SESN1: variants seen among roughly 807,000 people sequenced by gnomAD.
SESN1 encodes the protein sestrin 1.
In SESN1, 30 loss-of-function variants were observed where a neutral mutation model predicts 59.3. The ratio of observed to expected loss-of-function variants is 0.51; its 90% confidence interval spans 0.38 to 0.69. The LOEUF (loss-of-function observed/expected upper bound fraction) is 0.69, where lower values mean the gene tolerates loss of function less well. Ranked by LOEUF, SESN1 falls within the 30% of genes least tolerant of loss-of-function variation. The pLI is 0.00. For synonymous variants in SESN1, 197 were observed against 219.9 expected (o/e 0.90, Z 0.92); for missense variants, 566 against 673.0 (o/e 0.84, Z 1.76).
At chr6:109,018,021 A>T (rs1472130115) in intron 1 of SESN1, among the ~76,000 whole-genome samples, 2 of 152,182 alleles carry the variant, frequency 1.3e-5, no homozygotes, top group East Asian at 3.9e-4. Context: ...AACAATAATA[A>T]GAAGAAGAAA....
chr6:108,994,332 G>C (rs1427935824), intron 6 of SESN1, 130 bp downstream of exon 6: 4 of 620,436 alleles, frequency 6.4e-6, no homozygotes, highest in Non-Finnish European at 1.0e-5. Context: ...TTGTAAATAG[G>C]AATACCTATG....
chr6:108,998,787 T>G, intron 4 of SESN1, 32 bp from the exon 5 acceptor site: 1 of 1,580,664 alleles, frequency 6.3e-7, no homozygotes, highest in Non-Finnish European at 8.6e-7. Flanking sequence ...AATATATTTT[T>G]GTACTGGGGT....
At chr6:109,085,771 T>C (rs1229404425) in intron 1 of SESN1, among the ~76,000 whole-genome samples, 1 of 152,188 alleles carries the variant, frequency 6.6e-6, no homozygotes, top group Non-Finnish European at 1.5e-5. Context: ...AATAAACTGA[T>C]TTGAGAAATT....
At position 108,986,929 on chromosome 6, in the gene SESN1, A is replaced by AAATT. The variant is rs1251229501; in HGVS notation, c.*611_*614dup. The AAATT allele has an allele frequency of 1.3e-5, 2 of 152,616 alleles. No homozygotes were observed. Among genetic ancestry groups the AAATT allele is most frequent in the African/African-American group, 2.4e-5 (1 of 41,472 alleles). The allele number at this position is 152,616 out of a possible 1,614,324, so 9.5% of individuals were successfully genotyped here. On this transcript the variant is annotated 3_prime_UTR_variant, in exon 10 of 10. Transcript: ENST00000436639. ...CCTGAATTTAAAAAACTAATGAAAG[A>AAATT]AATTAACTGTTACCATCAAAATGGT...
chr6:109,071,516 C>G (rs2114466235), intron 1 of SESN1, among the ~76,000 whole-genome samples: 1 of 152,062 alleles, frequency 6.6e-6, no homozygotes, highest in Middle Eastern at 3.4e-3. Flanking sequence ...GATATGGACC[C>G]CGGCAGTCTA....
chr6:109,088,799 G>A (rs574127572), intron 1 of SESN1, among the ~76,000 whole-genome samples: 15 of 152,220 alleles, frequency 9.9e-5, no homozygotes, highest in Non-Finnish European at 2.9e-5. Context: ...CCATTCCTTT[G>A]TTTAGAGAAT....
chr6:108,998,385 A>G, intron 5 of SESN1, 128 bp downstream of exon 5: 1 of 1,035,394 alleles, frequency 9.7e-7, no homozygotes, highest in Non-Finnish European at 1.4e-6. Context: ...CTGAATGAAT[A>G]GATATAGGGG....
At chr6:109,010,634 ACT>A (rs1304022308) in intron 1 of SESN1, among the ~76,000 whole-genome samples, 2 of 152,200 alleles carry the variant, frequency 1.3e-5, no homozygotes, top group African/African-American at 4.8e-5. Context: ...CAAAATGGTT[ACT>A]TTTTATTTAT....
intron 1 of SESN1, among the ~76,000 whole-genome samples, chr6:109,067,481 G>T (rs1267247494): frequency 6.6e-6 from 1 of 152,002 alleles, no homozygotes; most frequent in Admixed American, 6.5e-5. Flanking sequence ...CAAATTCAAA[G>T]AAAACAAAAA....
chr6:109,044,673 CTAATA>C (rs1210334889), intron 1 of SESN1, among the ~76,000 whole-genome samples: 7 of 152,056 alleles, frequency 4.6e-5, no homozygotes, highest in Non-Finnish European at 8.8e-5. Context: ...CTCTATCTAC[CTAATA>C]TATTTAATCT....
At chr6:109,053,482 G>A (rs1224187619) in intron 1 of SESN1, among the ~76,000 whole-genome samples, 1 of 152,138 alleles carries the variant, frequency 6.6e-6, no homozygotes, top group Non-Finnish European at 1.5e-5. Flanking sequence ...TGCAGACTGA[G>A]AAACATGAGA....
chr6:109,076,062 T>C (rs748951025), intron 1 of SESN1, among the ~76,000 whole-genome samples: 1 of 152,194 alleles, frequency 6.6e-6, no homozygotes, highest in Middle Eastern at 3.2e-3. Flanking sequence ...CTGAAATAAA[T>C]AATATGATGT....
intron 1 of SESN1, among the ~76,000 whole-genome samples, chr6:109,035,827 C>T (rs1054994767): frequency 1.3e-5 from 2 of 152,098 alleles, no homozygotes; most frequent in Non-Finnish European, 2.9e-5. Context: ...AGGCTGGTCT[C>T]AAACTCCTGG....
chr6:109,089,076 C>A (rs1781265669), intron 1 of SESN1, among the ~76,000 whole-genome samples: 1 of 148,408 alleles, frequency 6.7e-6, no homozygotes. Context: ...TTTTTTTTAA[C>A]AGATTTAGCT....
At chr6:109,079,438 G>A (rs903781167) in intron 1 of SESN1, among the ~76,000 whole-genome samples, 10 of 152,000 alleles carry the variant, frequency 6.6e-5, no homozygotes, top group African/African-American at 2.4e-4. Flanking sequence ...GATTTTTAGC[G>A]CACATATCAA....
chr6:109,057,144 T>C (rs1780645278), intron 1 of SESN1, among the ~76,000 whole-genome samples: 1 of 152,230 alleles, frequency 6.6e-6, no homozygotes, highest in African/African-American at 2.4e-5. Flanking sequence ...GCTGGTATCT[T>C]GACTGCAACC....
At position 108,986,790 on chromosome 6, in the gene SESN1, C is replaced by T. The variant is rs1231384093; in HGVS notation, c.*754G>A. Reference sequence around the variant, plus strand: ...ACAGCTGCCCTCCAGTGTCAGGATCCTGTGAAACAGCATATCAAAAGATCG... The same window carrying T: ...ACAGCTGCCCTCCAGTGTCAGGATCTTGTGAAACAGCATATCAAAAGATCG... On this transcript the variant is annotated 3_prime_UTR_variant, in exon 10 of 10. Transcript: ENST00000436639. The T allele has an allele frequency of 6.6e-6, 1 of 152,180 alleles. No individual in the cohort carries two copies. Among genetic ancestry groups the T allele is most frequent in the Non-Finnish European group, 1.5e-5 (1 of 68,036 alleles). 9.4% of individuals were successfully genotyped at this position (152,180 alleles called of 1,614,324 possible).
intron 1 of SESN1, among the ~76,000 whole-genome samples, chr6:109,044,517 A>C (rs1313589388): frequency 1.3e-5 from 2 of 151,914 alleles, no homozygotes; most frequent in African/African-American, 4.8e-5. Context: ...CACAGACCTA[A>C]ATTTAATATA....
At chr6:109,039,827 T>C (rs1008757580) in intron 1 of SESN1, among the ~76,000 whole-genome samples, 1 of 152,218 alleles carries the variant, frequency 6.6e-6, no homozygotes, top group Non-Finnish European at 1.5e-5. Context: ...CTTGTTCATA[T>C]AGAAAATAAG....
Sources: allele counts gnomAD v4.1 joint callset (sites outside exome capture counted in the v4.1 genomes callset), GRCh38; gene constraint gnomAD v4.1.1; transcripts MANE v1.5; gene names NCBI Gene and HGNC (gene_info 2026-07-23, HGNC 2026-07-21).